GPR158: variants seen among roughly 807,000 people sequenced by gnomAD.
GPR158 encodes the protein G protein-coupled receptor 158, also known as metabotropic glycine receptor.
Under a neutral mutation model 78.2 loss-of-function variants are expected in GPR158, and 30 were observed. That is an observed-to-expected ratio of 0.38 (90% confidence interval 0.29 to 0.52). The LOEUF is 0.52. Among genes scored for constraint, GPR158 ranks in the 20% least tolerant of loss-of-function variants. The pLI is 0.83. For synonymous variants in GPR158, 581 were observed against 591.1 expected (o/e 0.98, Z 0.25); for missense variants, 1,463 against 1,523.5 (o/e 0.96, Z 0.66).
At chr10:25,569,815 G>T (rs879512732) in intron 6 of GPR158, among the ~76,000 whole-genome samples, 3 of 152,086 alleles carry the variant, frequency 2.0e-5, no homozygotes, top group African/African-American at 7.2e-5. Context: ...ACTGCATATG[G>T]TAGCTATTTG....
chr10:25,535,534 C>A (rs1836487583), intron 5 of GPR158, among the ~76,000 whole-genome samples: 1 of 152,200 alleles, frequency 6.6e-6, no homozygotes, highest in African/African-American at 2.4e-5. Flanking sequence ...TCAGATGGAA[C>A]CCCAGACCTG....
At chr10:25,399,034 A>G (rs899389685) in intron 3 of GPR158, among the ~76,000 whole-genome samples, 1 of 152,198 alleles carries the variant, frequency 6.6e-6, no homozygotes, top group Non-Finnish European at 1.5e-5. Flanking sequence ...AGACTGAATA[A>G]TTTATAAAGA....
intron 2 of GPR158, among the ~76,000 whole-genome samples, chr10:25,338,551 TATA>T (rs201296103): frequency 0.057 from 8,244 of 145,634 alleles, 349 homozygotes; most frequent in Non-Finnish European, 0.092. Context: ...ATACGTAATA[TATA>T]ATACGTATTG....
At chr10:25,259,674 A>G (rs1446369958) in intron 2 of GPR158, among the ~76,000 whole-genome samples, 5 of 152,182 alleles carry the variant, frequency 3.3e-5, no homozygotes, top group Non-Finnish European at 7.4e-5. Flanking sequence ...TGTTATATCC[A>G]TATAGGGAGA....
chr10:25,543,230 C>G (rs922006047), intron 5 of GPR158, among the ~76,000 whole-genome samples: 1 of 152,118 alleles, frequency 6.6e-6, no homozygotes, highest in African/African-American at 2.4e-5. Flanking sequence ...GAGAAATTCT[C>G]ATGCCTCAGT....
At chr10:25,451,593 G>A (rs1022860813) in intron 4 of GPR158, among the ~76,000 whole-genome samples, 1 of 152,178 alleles carries the variant, frequency 6.6e-6, no homozygotes, top group Admixed American at 6.5e-5. Context: ...TTACAAAATG[G>A]GATGTTGAAA....
At chr10:25,556,443 G>A (rs947020009) in intron 6 of GPR158, among the ~76,000 whole-genome samples, 12 of 152,266 alleles carry the variant, frequency 7.9e-5, no homozygotes, top group African/African-American at 2.9e-4. Flanking sequence ...ACTAGAAAAT[G>A]GAAAGACCTT....
intron 4 of GPR158, among the ~76,000 whole-genome samples, chr10:25,440,345 G>A (rs1835052176): frequency 6.6e-6 from 1 of 152,116 alleles, no homozygotes; most frequent in African/African-American, 2.4e-5. Flanking sequence ...GCCTTGAGCT[G>A]GGATCCTTTA....
intron 4 of GPR158, among the ~76,000 whole-genome samples, chr10:25,433,641 G>A (rs1489154619): frequency 2.6e-5 from 4 of 151,054 alleles, no homozygotes; most frequent in African/African-American, 9.7e-5. Flanking sequence ...AGAGAAGCAG[G>A]GGAGAAAATT....
At chr10:25,386,657 C>T (rs1834226228) in intron 2 of GPR158, among the ~76,000 whole-genome samples, 1 of 152,118 alleles carries the variant, frequency 6.6e-6, no homozygotes, top group Non-Finnish European at 1.5e-5. Context: ...GAGTATACTT[C>T]TTTCACCTTC....
intron 5 of GPR158, among the ~76,000 whole-genome samples, chr10:25,521,893 T>C (rs1220151784): frequency 1.3e-5 from 2 of 152,212 alleles, no homozygotes; most frequent in African/African-American, 2.4e-5. Context: ...CATTGAATCC[T>C]ACATAGACAA....
intron 2 of GPR158, among the ~76,000 whole-genome samples, chr10:25,248,871 T>G (rs1853745157): frequency 6.6e-6 from 1 of 151,596 alleles, no homozygotes. Context: ...GGTAGCATGA[T>G]GGGGATGGCA....
intron 7 of GPR158, among the ~76,000 whole-genome samples, chr10:25,576,828 C>G (rs1472929116): frequency 6.6e-6 from 1 of 152,002 alleles, no homozygotes; most frequent in African/African-American, 2.4e-5. Flanking sequence ...AATCAAGACT[C>G]GTGATGAGAG....
chr10:25,513,072 TTCTC>T (rs1280325348), intron 5 of GPR158, among the ~76,000 whole-genome samples: 2 of 152,324 alleles, frequency 1.3e-5, no homozygotes, highest in Admixed American at 6.5e-5. Context: ...GATTCCCTCT[TTCTC>T]TATCTTTTGG....
At chr10:25,228,582 G>A (rs80254858) in intron 2 of GPR158, among the ~76,000 whole-genome samples, 1 of 152,262 alleles carries the variant, frequency 6.6e-6, no homozygotes, top group Non-Finnish European at 1.5e-5. Flanking sequence ...AGCACTTGGG[G>A]ATATAGAGAA....
intron 2 of GPR158, among the ~76,000 whole-genome samples, chr10:25,350,304 T>C (rs1245772961): frequency 6.6e-6 from 1 of 152,034 alleles, no homozygotes; most frequent in Non-Finnish European, 1.5e-5. Flanking sequence ...AGACTAATGG[T>C]CATAAAATTT....
chr10:25,361,881 C>T (rs1855646732), intron 2 of GPR158, among the ~76,000 whole-genome samples: 1 of 151,764 alleles, frequency 6.6e-6, no homozygotes, highest in Non-Finnish European at 1.5e-5. Flanking sequence ...GATATTAACC[C>T]TTTTTCATAT....
chr10:25,278,392 T>C (rs899064565), intron 2 of GPR158, among the ~76,000 whole-genome samples: 1 of 151,908 alleles, frequency 6.6e-6, no homozygotes, highest in African/African-American at 2.4e-5. Flanking sequence ...TATAGAGGAA[T>C]AGATGAAAAA....
At chr10:25,409,482 T>C (rs1297242529) in intron 3 of GPR158, among the ~76,000 whole-genome samples, 1 of 152,214 alleles carries the variant, frequency 6.6e-6, no homozygotes, top group African/African-American at 2.4e-5. Context: ...ATCTGCTTTG[T>C]TGAGAAGGAT....
Sources: allele counts gnomAD v4.1 joint callset (sites outside exome capture counted in the v4.1 genomes callset), GRCh38; gene constraint gnomAD v4.1.1; transcripts MANE v1.5; gene names NCBI Gene and HGNC (gene_info 2026-07-23, HGNC 2026-07-21).